The following BAHCC1 variants were observed in gnomAD, a reference collection of about 807,000 sequenced individuals.
BAHCC1 encodes the protein BAH domain and coiled-coil containing 1, also known as BAH and coiled-coil domain-containing protein 1.
BAHCC1 carries 43 observed loss-of-function variants against 88.2 expected under a neutral mutation model. The observed-to-expected ratio is 0.49, with a 90% confidence interval of 0.38 to 0.63. BAHCC1 has a LOEUF of 0.63. Ranked by LOEUF, BAHCC1 falls within the 20% of genes least tolerant of loss-of-function variation. BAHCC1 has a pLI of 0.00. For synonymous variants in BAHCC1, 1,510 were observed against 745.5 expected (o/e 2.03, Z -16.71); for missense variants, 3,023 against 1,654.8 (o/e 1.83, Z -14.34).
chr17:81,438,594 C>A, intron 4 of BAHCC1, 102 bp downstream of exon 4: 1 of 688,772 alleles, frequency 1.5e-6, no homozygotes, highest in South Asian at 1.6e-5. Context: ...CTAGGTTAGC[C>A]CTCCCACCAG....
chr17:81,451,412 T>C (rs1316426425), intron 11 of BAHCC1, among the ~76,000 whole-genome samples: 5 of 152,206 alleles, frequency 3.3e-5, no homozygotes, highest in African/African-American at 1.2e-4. Context: ...TGTCTTGCTC[T>C]GTGACACAGA....
intron 3 of BAHCC1, among the ~76,000 whole-genome samples, chr17:81,437,525 G>C (rs556566516): frequency 6.6e-6 from 1 of 152,368 alleles, no homozygotes; most frequent in East Asian, 1.9e-4. Flanking sequence ...GCCCTGTCCT[G>C]ACCTGCCAGC....
Position 81,435,317 on chromosome 17 carries a change from T to C in BAHCC1, c.359-3053T>C. 2.5e-6 allele frequency: 1 copy of C among 399,104 alleles called. No individual in the cohort carries two copies. Among genetic ancestry groups the C allele is most frequent in the Non-Finnish European group, 5.1e-6 (1 of 196,126 alleles). 24.7% of individuals were successfully genotyped at this position (399,104 alleles called of 1,614,324 possible). A position where few individuals can be genotyped will look rare whatever the true frequency, so the allele number is the denominator to read the frequency against. ...CCTGTGGCTTTGAGCCTCTGTCTCC[T>C]GCAGTCTGTCCCATCACAGGACTGA... is the stretch of plus-strand genomic sequence containing the variant. On this transcript the variant is annotated intron_variant, in intron 3 of 27. Coordinates refer to ENST00000675386, the MANE Select transcript of BAHCC1 (RefSeq NM_001377448.1). This position sits in a 1 kb window ranked among gnomAD's most constrained non-coding sequence, Gnocchi z 4.4.
chr17:81,448,460 C>G (rs2064573870), intron 11 of BAHCC1, among the ~76,000 whole-genome samples: 1 of 152,168 alleles, frequency 6.6e-6, no homozygotes, highest in Non-Finnish European at 1.5e-5. Flanking sequence ...CACCCTGGGC[C>G]TTGGTCCGGG....
rs550129066 is a variant in BAHCC1 at position 81,459,754 on chromosome 17, C to T, written c.5905+150C>T. On this transcript the variant is annotated intron_variant, in intron 23 of 27. Coordinates refer to ENST00000675386, the MANE Select transcript of BAHCC1 (RefSeq NM_001377448.1). Reference sequence around the variant, plus strand: ...ACGACAATAAAATGAGCTCCCCAGGCGCCATGAAAAAGCACAGGGTGTGTG... The same window carrying T: ...ACGACAATAAAATGAGCTCCCCAGGTGCCATGAAAAAGCACAGGGTGTGTG... 106 of 557,192 alleles carry T rather than the reference C, an allele frequency of 1.9e-4. No homozygotes were observed. The East Asian group carries it at 2.2e-3, about 12-fold the overall frequency. The allele number at this position is 557,192 out of a possible 1,614,324, so 34.5% of individuals were successfully genotyped here. A position where few individuals can be genotyped will look rare whatever the true frequency, so the allele number is the denominator to read the frequency against.
Position 81,447,028 on chromosome 17 carries a change from C to G in BAHCC1, c.3164-8C>G. 2.6e-6 allele frequency: 2 copies of G among 779,078 alleles called. No homozygotes were observed. The highest frequency in any genetic ancestry group is 2.7e-5 in the South Asian group (2 of 74,622). 48.3% of individuals were successfully genotyped at this position (779,078 alleles called of 1,614,324 possible). On this transcript the variant is annotated splice_polypyrimidine_tract_variant and splice_region_variant and intron_variant, in intron 10 of 27. Transcript: ENST00000675386. The stretch of plus-strand genomic sequence containing the variant: ...CAGCTCCCTGCTGACCTGTCCCCTC[C>G]TTTGCAGACCTGCCTCCCGGATACC...
chr17:81,409,762 C>A (rs561445217), intron 2 of BAHCC1, among the ~76,000 whole-genome samples: 2 of 152,348 alleles, frequency 1.3e-5, no homozygotes, highest in African/African-American at 4.8e-5. Context: ...ACGTCTCCAT[C>A]CACAGGCCGG....
At position 81,459,940 on chromosome 17, in the gene BAHCC1, C is replaced by T. The variant is rs868950916; in HGVS notation, c.5905+336C>T. On this transcript the variant is annotated intron_variant, in intron 23 of 27. Transcript: ENST00000675386. ...GGCAGGGGCATGTAGGTCCCTAGGG[C>T]GAAAGGCTCAAGGGTCCCACAGGCA... 3.2e-4 allele frequency among the ~76,000 whole-genome samples: 49 copies of T among 152,230 alleles called. No individual in the cohort carries two copies. In the Middle Eastern group the frequency reaches 0.017, roughly 53 times the overall value.
At chr17:81,424,122 C>A (rs990743154) in intron 2 of BAHCC1, among the ~76,000 whole-genome samples, 5 of 152,224 alleles carry the variant, frequency 3.3e-5, no homozygotes, top group Non-Finnish European at 5.9e-5. Context: ...TCAGTCTTCC[C>A]CCTGGCTCAG....
rs142395951 is a variant in BAHCC1, at chr17:81,413,413, G to C, written c.179-13387G>C. Among the ~76,000 whole-genome samples the C allele has an allele frequency of 3.1e-3, 476 of 152,230 alleles. 5 individuals carry two copies. The highest frequency in any genetic ancestry group is 0.01 in the African/African-American group (433 of 41,528). ...GGACATCTGAGGCGAGGCTGGCCCT[G>C]TTCGTCCCTCACCCCTCTTCCTCCC... On this transcript the variant is annotated intron_variant, in intron 2 of 27. Transcript: ENST00000675386.
rs61730239 is a variant in BAHCC1 at position 81,457,508 on chromosome 17, G to T, written c.4957G>T (p.Val1653Leu). The T allele has an allele frequency of 1.3e-6, 1 of 759,642 alleles. No individual in the cohort carries two copies. The highest frequency in any genetic ancestry group is 2.5e-5 in the East Asian group (1 of 40,330). The allele number at this position is 759,642 out of a possible 1,614,324, so 47.1% of individuals were successfully genotyped here. Residue 1653 changes from valine to leucine, a missense_variant, in exon 17 of 28, where the codon GTG becomes TTG. Val to Leu is a conservative substitution (Grantham distance 32, BLOSUM62 1). Coordinates refer to ENST00000675386, the MANE Select transcript of BAHCC1 (RefSeq NM_001377448.1). ...GCTGCACACCGGGGCCAGTGTGGCC[G>T]TGCTGGGGCCCTCACCCTCCTCTGT... ...LLLHTGASVA[V>L]LGPSPSSVVK...
intron 14 of BAHCC1, among the ~76,000 whole-genome samples, chr17:81,453,635 G>C (rs575543985): frequency 9.2e-5 from 14 of 151,948 alleles, no homozygotes; most frequent in Admixed American, 6.5e-5. Flanking sequence ...TGTCTCCTGG[G>C]GGGGGGTCTC....
intron 2 of BAHCC1, among the ~76,000 whole-genome samples, chr17:81,424,948 G>T (rs540285040): frequency 1.3e-4 from 19 of 150,716 alleles, no homozygotes; most frequent in Admixed American, 2.6e-4. Flanking sequence ...ATAGTGGTGG[G>T]TGATGTGGTT....
chr17:81,403,581 C>T (rs1280538241), intron 2 of BAHCC1, among the ~76,000 whole-genome samples: 1 of 151,884 alleles, frequency 6.6e-6, no homozygotes, highest in African/African-American at 2.4e-5. Flanking sequence ...TGTGAAAAGA[C>T]CCCATCACAG....
At chr17:81,446,528 T>C (rs1443850862) in intron 10 of BAHCC1, among the ~76,000 whole-genome samples, 1 of 48,050 alleles carries the variant, frequency 2.1e-5, no homozygotes, top group African/African-American at 7.4e-5. Flanking sequence ...GCTCACACCT[T>C]TTTTTTTTTT....
At chr17:81,436,616 C>CGT (rs2064340403) in intron 3 of BAHCC1, among the ~76,000 whole-genome samples, 1 of 152,100 alleles carries the variant, frequency 6.6e-6, no homozygotes, top group Admixed American at 6.5e-5. Context: ...GCTCCCACCC[C>CGT]GTCCCTCTCA....
intron 11 of BAHCC1, among the ~76,000 whole-genome samples, chr17:81,449,203 C>G (rs1479549777): frequency 6.6e-6 from 1 of 152,136 alleles, no homozygotes; most frequent in Non-Finnish European, 1.5e-5. Context: ...GGCCAGGTGT[C>G]CCAATCCCCA....
intron 13 of BAHCC1, among the ~76,000 whole-genome samples, chr17:81,452,351 G>T (rs1421581882): frequency 2.0e-5 from 3 of 152,154 alleles, no homozygotes; most frequent in Non-Finnish European, 4.4e-5. Context: ...GCTTGTCAGA[G>T]CCTGGTGTGG....
chr17:81,414,729 C>G (rs2063997515), intron 2 of BAHCC1, among the ~76,000 whole-genome samples: 1 of 152,190 alleles, frequency 6.6e-6, no homozygotes, highest in African/African-American at 2.4e-5. Flanking sequence ...ACCGAGGTTC[C>G]CCGGGGTTCG....
Sources: allele counts gnomAD v4.1 joint callset (sites outside exome capture counted in the v4.1 genomes callset), GRCh38; gene constraint gnomAD v4.1.1; non-coding constraint Gnocchi (gnomAD v3.1); transcripts MANE v1.5; gene names NCBI Gene and HGNC (gene_info 2026-07-23, HGNC 2026-07-21).